Variants in ADCY7 observed in about 807,000 individuals in gnomAD.
ADCY7 encodes adenylate cyclase 7.
In ADCY7, 72 loss-of-function variants were observed where a neutral mutation model predicts 120.6. That is an observed-to-expected ratio of 0.60 (90% CI 0.49 to 0.73). The LOEUF (loss-of-function observed/expected upper bound fraction) is 0.73. ADCY7 is among the 30% of genes least tolerant of loss of function. The probability of loss-of-function intolerance (pLI) is 0.00; values close to 1 mark genes in which losing one functional copy is unlikely to be tolerated. For missense variants in ADCY7, 1,227 were observed against 1,486.0 expected, an observed-to-expected ratio of 0.83 and a Z score of 2.87; for synonymous variants, 661 against 628.0, an observed-to-expected ratio of 1.05 and a Z score of -0.78.
chr16:50,315,481 G>A lies in ADCY7; in HGVS notation c.3219G>A (p.Lys1073=), dbSNP rs1386260890. The A allele has an allele frequency of 1.2e-6, 2 of 1,613,348 alleles. No individual in the cohort carries two copies. The highest frequency in any genetic ancestry group is 1.7e-5 in the Admixed American group (1 of 60,018). The change falls in exon 26 of 26, where the codon AAG becomes AAA. Residue 1073 remains lysine, a synonymous_variant. Coordinates refer to ENST00000673801, the MANE Select transcript of ADCY7 (RefSeq NM_001114.5). ...ACTTTGTCTGTACGGACACTGCCAA[G>A]TTTCAGGGGCTGGGGCTGAACTGAG... The part of the protein sequence containing the change: ...RTYFVCTDTA[K]FQGLGLN
chr16:50,294,343 GGGCTGCCTGCAGGAGTGCCCTTC>G (rs1475008351), intron 6 of ADCY7, among the ~76,000 whole-genome samples: 1 of 152,230 alleles, frequency 6.6e-6, no homozygotes, highest in African/African-American at 2.4e-5. Flanking sequence ...GGAAGGCTCC[GGGCTGCCTGCAGGAGTGCCCTTC>G]GGCTGTCTGC....
chr16:50,300,986 G>A (rs560132409), intron 9 of ADCY7, 96 bp from the exon 10 acceptor site: 1 of 1,540,860 alleles, frequency 6.5e-7, no homozygotes, highest in African/African-American at 1.4e-5. Flanking sequence ...ATGTAGAAAA[G>A]CTGGCCTGGG....
Position 50,305,843 on chromosome 16 carries a change from G to A in ADCY7, c.1746G>A (p.Glu582=), listed in dbSNP as rs1596968825. The change falls in exon 14 of 26, where the codon GAG becomes GAA. Residue 582 remains glutamate, a synonymous_variant. Coordinates refer to ENST00000673801, the MANE Select transcript of ADCY7 (RefSeq NM_001114.5). ...CCATCTTCCTGGAGAAGGGCTTTGAGCGCGAGGTGAGGGCCCCCAGCAGCC... is the reference window on the plus strand; with the variant it reads ...CCATCTTCCTGGAGAAGGGCTTTGAACGCGAGGTGAGGGCCCCCAGCAGCC... ...FGSIFLEKGF[E]REYRLAPIPR... The A allele has an allele frequency of 6.2e-7, 1 of 1,613,652 alleles. No homozygotes were observed. Among genetic ancestry groups the A allele is most frequent in the African/African-American group, 1.3e-5 (1 of 74,938 alleles).
At chr16:50,267,583 G>A (rs2033300355) in intron 1 of ADCY7, among the ~76,000 whole-genome samples, 1 of 152,176 alleles carries the variant, frequency 6.6e-6, no homozygotes, top group Non-Finnish European at 1.5e-5. Context: ...TCACCATCTT[G>A]CAGATGGAGG....
At chr16:50,285,455 G>A (rs976880776) in intron 1 of ADCY7, among the ~76,000 whole-genome samples, 1 of 152,264 alleles carries the variant, frequency 6.6e-6, no homozygotes, top group Admixed American at 6.5e-5. Flanking sequence ...ATACTAGCAG[G>A]TGCTGGTTGG....
Position 50,310,700 on chromosome 16 carries a change from G to A in ADCY7, c.2174G>A (p.Ser725Asn), listed in dbSNP as rs1380972097. The change falls in exon 19 of 26, where the codon AGC (serine) becomes AAC (asparagine). Residue 725 changes from serine (S) to asparagine (N), a missense_variant. Ser to Asn is a conservative substitution (Grantham distance 46). Transcript: ENST00000673801. ...LCEPLPYYTC[S>N]CVLGFIACSV... ...CTGCCCCCTCAGTACTACACCTGCA[G>A]CTGTGTCCTGGGCTTCATCGCCTGC... The A allele has an allele frequency of 1.2e-6, 2 of 1,613,982 alleles. No individual in the cohort carries two copies. Among genetic ancestry groups the A allele is most frequent in the East Asian group, 4.5e-5 (2 of 44,872 alleles).
intron 7 of ADCY7, among the ~76,000 whole-genome samples, chr16:50,295,345 A>ATTTTTTTT (rs67137852): frequency 0.052 from 4,262 of 82,488 alleles, 579 homozygotes; most frequent in Non-Finnish European, 0.072. Context: ...CGCCTGGCTA[A>ATTTTTTTT]TTTTTTTTTT....
chr16:50,308,279 C>T (rs1312894935), intron 15 of ADCY7, 48 bp from the exon 16 acceptor site: 1 of 1,613,996 alleles, frequency 6.2e-7, no homozygotes, highest in South Asian at 1.1e-5. Flanking sequence ...GGCGGTGGTC[C>T]TGGGCAGAAG....
At chr16:50,312,591 G>A (rs2036549045) in intron 21 of ADCY7, among the ~76,000 whole-genome samples, 1 of 152,194 alleles carries the variant, frequency 6.6e-6, no homozygotes, top group Non-Finnish European at 1.5e-5. Flanking sequence ...GAGGCCCAGT[G>A]AGAATGAAGA....
chr16:50,305,942 C>G (rs1405647759), intron 14 of ADCY7, 93 bp downstream of exon 14: 2 of 1,303,318 alleles, frequency 1.5e-6, no homozygotes, highest in Admixed American at 3.6e-5. Flanking sequence ...GCCTGCGTTC[C>G]CAAGACCGGC....
intron 1 of ADCY7, among the ~76,000 whole-genome samples, chr16:50,267,511 G>A (rs1172970702): frequency 6.6e-6 from 1 of 152,072 alleles, no homozygotes; most frequent in African/African-American, 2.4e-5. Context: ...AGGCCTGGAC[G>A]GGCAGCCAGT....
At chr16:50,294,416 C>G (rs889141052) in intron 6 of ADCY7, among the ~76,000 whole-genome samples, 8 of 152,180 alleles carry the variant, frequency 5.3e-5, no homozygotes, top group Non-Finnish European at 8.8e-5. Context: ...CTCCTGTAGG[C>G]TCTGAATTTT....
chr16:50,268,247 A>G (rs35335464), intron 1 of ADCY7, among the ~76,000 whole-genome samples: 2,828 of 151,934 alleles, frequency 0.019, 48 homozygotes, highest in Non-Finnish European at 0.025. Context: ...TACAGTTACC[A>G]CACCACTACA....
intron 1 of ADCY7, among the ~76,000 whole-genome samples, chr16:50,258,217 C>T (rs1422923401): frequency 6.6e-6 from 1 of 152,132 alleles, no homozygotes; most frequent in Non-Finnish European, 1.5e-5. Flanking sequence ...GCCTGGGTGA[C>T]AGAGAGAGCC....
intron 1 of ADCY7, among the ~76,000 whole-genome samples, chr16:50,259,684 C>T (rs929156237): frequency 6.6e-6 from 1 of 152,066 alleles, no homozygotes; most frequent in Non-Finnish European, 1.5e-5. Flanking sequence ...CAAGCAGCAG[C>T]GATTTAGGAG....
intron 1 of ADCY7, among the ~76,000 whole-genome samples, chr16:50,276,384 C>T (rs937112469): frequency 1.3e-5 from 2 of 152,220 alleles, no homozygotes; most frequent in Non-Finnish European, 2.9e-5. Context: ...CTCACTTCTG[C>T]ACCCCATGGC....
At chr16:50,271,184 C>A (rs562101701) in intron 1 of ADCY7, among the ~76,000 whole-genome samples, 3 of 152,174 alleles carry the variant, frequency 2.0e-5, no homozygotes, top group Non-Finnish European at 4.4e-5. Flanking sequence ...GAGCTCCGTT[C>A]CTCTTTGGTG....
At chr16:50,276,344 G>T (rs1376826443) in intron 1 of ADCY7, among the ~76,000 whole-genome samples, 1 of 152,204 alleles carries the variant, frequency 6.6e-6, no homozygotes, top group Non-Finnish European at 1.5e-5. Context: ...TCATGGCAGG[G>T]TTGAGGGGTG....
upstream of ADCY7, among the ~76,000 whole-genome samples, chr16:50,261,816 C>G (rs906753644): frequency 6.6e-6 from 1 of 152,210 alleles, no homozygotes; most frequent in Non-Finnish European, 1.5e-5. Context: ...GGACGATAGG[C>G]GAGGTTGGCG....
Sources: allele counts gnomAD v4.1 joint callset (sites outside exome capture counted in the v4.1 genomes callset), GRCh38; gene constraint gnomAD v4.1.1; transcripts MANE v1.5; gene names NCBI Gene and HGNC (gene_info 2026-07-23, HGNC 2026-07-21).